ARHGAP39: variants seen among roughly 807,000 people sequenced by gnomAD.
The protein encoded by ARHGAP39 is rho GTPase-activating protein 39.
ARHGAP39 carries 44 observed loss-of-function variants against 106.9 expected under a neutral mutation model. The ratio of observed to expected loss-of-function variants is 0.41; its 90% confidence interval spans 0.32 to 0.53. The LOEUF (loss-of-function observed/expected upper bound fraction) is 0.53, where lower values mean the gene tolerates loss of function less well. Among genes scored for constraint, ARHGAP39 ranks in the 20% least tolerant of loss-of-function variants. The pLI, the probability that ARHGAP39 is intolerant of heterozygous loss-of-function variation, is 0.21. For missense variants in ARHGAP39, 1,496 were observed against 1,577.3 expected, an observed-to-expected ratio of 0.95 and a Z score of 0.87; for synonymous variants, 768 against 693.2, an observed-to-expected ratio of 1.11 and a Z score of -1.69.
At position 144,591,137 on chromosome 8, in the gene ARHGAP39, G is replaced by A. The variant is rs919189274; in HGVS notation, c.81-9860C>T. Among the ~76,000 whole-genome samples, 1 of 152,082 alleles carries A rather than the reference G, an allele frequency of 6.6e-6. No individual in the cohort carries two copies. Among genetic ancestry groups the A allele is most frequent in the Non-Finnish European group, 1.5e-5 (1 of 68,012 alleles). ...TGGAGCCGGGTGGCTGCGCAGGCCTGGGGTGCAAGGCCAGAGGCTCACGGT... is the reference window on the plus strand; with the variant it reads ...TGGAGCCGGGTGGCTGCGCAGGCCTAGGGTGCAAGGCCAGAGGCTCACGGT... On this transcript the variant is annotated intron_variant, in intron 2 of 11. Coordinates refer to ENST00000377307, the MANE Select transcript of ARHGAP39 (RefSeq NM_025251.3). The surrounding 1 kb of genome is among the most constrained non-coding windows in gnomAD (Gnocchi z 5.3).
chr8:144,605,691 C>T lies in ARHGAP39; in HGVS notation c.-77G>A. On this transcript the variant is annotated 5_prime_UTR_variant, in exon 2 of 12. Transcript: ENST00000377307. The stretch of plus-strand genomic sequence containing the variant: ...AACGCCAGCATCAGACGGGAAGGTG[C>T]CGCACTGCAAGAGGGGAGAAGCAAC... The T allele has an allele frequency of 6.9e-7, 1 of 1,439,464 alleles. No homozygotes were observed. The allele number at this position is 1,439,464 out of a possible 1,614,324, so 89.2% of individuals were successfully genotyped here.
chr8:144,540,607 C>T (rs1817149856), intron 6 of ARHGAP39, among the ~76,000 whole-genome samples: 2 of 152,080 alleles, frequency 1.3e-5, no homozygotes, highest in South Asian at 4.1e-4. Context: ...TCGAGATCAG[C>T]CTGGCCAACA....
At chr8:144,603,118 G>A (rs1586605077) in intron 2 of ARHGAP39, among the ~76,000 whole-genome samples, 2 of 139,292 alleles carry the variant, frequency 1.4e-5, no homozygotes, top group Non-Finnish European at 3.1e-5. Context: ...TGTGCGTGGA[G>A]GCGTGTGTGT....
chr8:144,670,077 G>T lies in ARHGAP39; in HGVS notation c.-82+15609C>A, dbSNP rs552483610. Among the ~76,000 whole-genome samples the T allele has an allele frequency of 4.6e-5, 7 of 152,332 alleles. No homozygotes were observed. Among genetic ancestry groups the T allele is most frequent in the African/African-American group, 1.7e-4 (7 of 41,588 alleles). Reference sequence around the variant, plus strand: ...CAATGGATGAAAGTCTAAAGGAAACGGGGTTGACCTGTACAACGGAACGTC... The same window carrying T: ...CAATGGATGAAAGTCTAAAGGAAACTGGGTTGACCTGTACAACGGAACGTC... On this transcript the variant is annotated intron_variant, in intron 1 of 11. Coordinates refer to ENST00000377307, the MANE Select transcript of ARHGAP39 (RefSeq NM_025251.3). The surrounding 1 kb of genome is among the most constrained non-coding windows in gnomAD (Gnocchi z 4.4).
intron 2 of ARHGAP39, among the ~76,000 whole-genome samples, chr8:144,596,542 C>T (rs1007970961): frequency 2.0e-5 from 3 of 152,350 alleles, no homozygotes; most frequent in East Asian, 1.9e-4. Flanking sequence ...GACATTCACT[C>T]GTGGGGTGAA....
intron 1 of ARHGAP39, among the ~76,000 whole-genome samples, chr8:144,612,008 T>C (rs1452977404): frequency 9.1e-6 from 1 of 109,828 alleles, no homozygotes; most frequent in Non-Finnish European, 1.9e-5. Flanking sequence ...AAACTCCATG[T>C]AAAAAAAAAA....
chr8:144,665,163 C>T (rs911247610), intron 1 of ARHGAP39, among the ~76,000 whole-genome samples: 1 of 152,120 alleles, frequency 6.6e-6, no homozygotes, highest in Non-Finnish European at 1.5e-5. Flanking sequence ...AGCATTTTGC[C>T]CCTGCCCTAG....
chr8:144,682,850 C>G (rs567457206), intron 1 of ARHGAP39, among the ~76,000 whole-genome samples: 1 of 152,114 alleles, frequency 6.6e-6, no homozygotes, highest in African/African-American at 2.4e-5. Flanking sequence ...TCTCTACAAA[C>G]AAAACCGAAC....
chr8:144,548,093 G>T lies in ARHGAP39; in HGVS notation c.993C>A (p.Asp331Glu). Residue 331 changes from aspartate to glutamate, a missense_variant, in exon 5 of 12, where the codon GAC (aspartate) becomes GAA (glutamate). Physicochemically the swap from Asp to Glu is conservative, Grantham distance 45. Coordinates refer to ENST00000377307, the MANE Select transcript of ARHGAP39 (RefSeq NM_025251.3). The surrounding 1 kb of genome is among the most constrained non-coding windows in gnomAD (Gnocchi z 7.4). ...AGCCCCCGCCAGCCTCGAATTGCACGTCCATGGGGGGCTCATCGTAGATGG... is the reference window on the plus strand; with the variant it reads ...AGCCCCCGCCAGCCTCGAATTGCACTTCCATGGGGGGCTCATCGTAGATGG... Reference protein sequence around the residue: ...QAPIYDEPPMDVQFEAGGGYQ... With the variant: ...QAPIYDEPPMEVQFEAGGGYQ... 6.3e-7 allele frequency: 1 copy of T among 1,590,642 alleles called. No individual in the cohort carries two copies.
chr8:144,538,485 G>T (rs1007063791), intron 6 of ARHGAP39, among the ~76,000 whole-genome samples: 1 of 152,058 alleles, frequency 6.6e-6, no homozygotes, highest in South Asian at 2.1e-4. Flanking sequence ...GGATATGTAC[G>T]TAAATTATTT....
At position 144,545,323 on chromosome 8, in the gene ARHGAP39, G is replaced by A; in HGVS notation, c.2447C>T (p.Pro816Leu). ...ELMAICLAFF[P>L]PTPKFHSYLE... ...GTAGGAGTGGAACTTGGGGGTGGGCGGGAAAAAGGCCAGGCAGATGGCCAT... is the reference window on the plus strand; with the variant it reads ...GTAGGAGTGGAACTTGGGGGTGGGCAGGAAAAAGGCCAGGCAGATGGCCAT... Residue 816 changes from proline to leucine, a missense_variant, in exon 6 of 12, where the codon CCG (proline) becomes CTG (leucine). This residue lies in a region of ARHGAP39 where 470 missense variants were observed against 605.1 expected (regional missense o/e 0.78). Coordinates refer to ENST00000377307, the MANE Select transcript of ARHGAP39 (RefSeq NM_025251.3). 3 of 1,595,376 alleles carry A rather than the reference G, an allele frequency of 1.9e-6. No individual in the cohort carries two copies. The highest frequency in any genetic ancestry group is 2.6e-6 in the Non-Finnish European group (3 of 1,167,540).
At chr8:144,653,024 G>T (rs971359192) in intron 1 of ARHGAP39, among the ~76,000 whole-genome samples, 3 of 152,142 alleles carry the variant, frequency 2.0e-5, no homozygotes, top group Non-Finnish European at 2.9e-5. Flanking sequence ...GAGGCCGGGC[G>T]CAGTGGCTCA....
At position 144,682,224 on chromosome 8, in the gene ARHGAP39, G is replaced by A. The variant is rs1361319586; in HGVS notation, c.-82+3462C>T. On this transcript the variant is annotated intron_variant, in intron 1 of 11. Coordinates refer to ENST00000377307, the MANE Select transcript of ARHGAP39 (RefSeq NM_025251.3). Reference sequence around the variant, plus strand: ...CTCGCCACTGCACTGCAGCCTGGGTGACAGAGCAAGACTCTATCTCAAAAA... The same window carrying A: ...CTCGCCACTGCACTGCAGCCTGGGTAACAGAGCAAGACTCTATCTCAAAAA... Among the ~76,000 whole-genome samples the A allele has an allele frequency of 9.0e-3, 800 of 88,474 alleles. No individual in the cohort carries two copies. The Middle Eastern group carries it at 0.095, about 11-fold the overall frequency. 58.0% of individuals were successfully genotyped at this position (88,474 alleles called of 152,430 possible).
chr8:144,622,724 G>A (rs1820836700), intron 1 of ARHGAP39, among the ~76,000 whole-genome samples: 1 of 152,216 alleles, frequency 6.6e-6, no homozygotes, highest in African/African-American at 2.4e-5. Flanking sequence ...TCTATCACTG[G>A]GTTGGCAAGA....
At chr8:144,690,549 A>T (rs1822722293), upstream of ARHGAP39, among the ~76,000 whole-genome samples, 1 of 151,854 alleles carries the variant, frequency 6.6e-6, no homozygotes, top group Non-Finnish European at 1.5e-5. Context: ...GATTTCCATT[A>T]CCCTAATGAT....
chr8:144,640,194 G>T (rs548876063), intron 1 of ARHGAP39, among the ~76,000 whole-genome samples: 39 of 152,240 alleles, frequency 2.6e-4, no homozygotes, highest in Non-Finnish European at 4.4e-4. Flanking sequence ...ACCTGTTTTT[G>T]GACTCTCGCG....
At position 144,530,356 on chromosome 8, in the gene ARHGAP39, G is replaced by A. The variant is rs1816627233; in HGVS notation, c.*66C>T. On this transcript the variant is annotated 3_prime_UTR_variant, in exon 12 of 12. Transcript: ENST00000377307. ...GGCGATTCTGGCCCCTCTGCCGGGA[G>A]AGCGAGTGCGGAGTTCGGCCTGGCT... The A allele has an allele frequency of 6.7e-7, 1 of 1,491,002 alleles. No homozygotes were observed. Among genetic ancestry groups the A allele is most frequent in the South Asian group, 1.3e-5 (1 of 78,698 alleles). The allele number at this position is 1,491,002 out of a possible 1,614,324, so 92.4% of individuals were successfully genotyped here.
chr8:144,679,066 G>A lies in ARHGAP39; in HGVS notation c.-82+6620C>T, dbSNP rs1166797037. Among the ~76,000 whole-genome samples, 1 of 152,208 alleles carries A rather than the reference G, an allele frequency of 6.6e-6. No individual in the cohort carries two copies. Among genetic ancestry groups the A allele is most frequent in the Non-Finnish European group, 1.5e-5 (1 of 68,040 alleles). On this transcript the variant is annotated intron_variant, in intron 1 of 11. Transcript: ENST00000377307. The surrounding 1 kb of genome is among the most constrained non-coding windows in gnomAD (Gnocchi z 4.7). ...CTAGGTGGTGACCAAGCAGGTGAAGGTCCCAAAGCCCCAAAGGGTTGAGGC... is the reference window on the plus strand; with the variant it reads ...CTAGGTGGTGACCAAGCAGGTGAAGATCCCAAAGCCCCAAAGGGTTGAGGC...
intron 2 of ARHGAP39, among the ~76,000 whole-genome samples, chr8:144,588,885 G>A (rs901292474): frequency 1.3e-5 from 2 of 152,254 alleles, no homozygotes; most frequent in African/African-American, 2.4e-5. Context: ...GCACGTCCAG[G>A]CGAGGGGCGT....
Sources: allele counts gnomAD v4.1 joint callset (sites outside exome capture counted in the v4.1 genomes callset), GRCh38; gene constraint gnomAD v4.1.1; regional missense constraint gnomAD v4.1.1; non-coding constraint Gnocchi (gnomAD v3.1); transcripts MANE v1.5; gene names NCBI Gene and HGNC (gene_info 2026-07-23, HGNC 2026-07-21).